Variants in CDKN2B-AS1 observed in about 807,000 individuals in gnomAD.
The protein encoded by CDKN2B-AS1 is CDKN2B and CDKN2A antisense cis and trans regulatory RNA 1.
At chr9:22,035,598 G>T (rs1277643366) in intron 1 of CDKN2B-AS1, among the ~76,000 whole-genome samples, 1 of 152,110 alleles carries the variant, frequency 6.6e-6, no homozygotes, top group Non-Finnish European at 1.5e-5. Flanking sequence ...GGATGCATCT[G>T]TTCTACTTGT....
At chr9:22,122,621 C>G (rs1480218189) in intron 4 of CDKN2B-AS1, among the ~76,000 whole-genome samples, 1 of 152,028 alleles carries the variant, frequency 6.6e-6, no homozygotes, top group Non-Finnish European at 1.5e-5. Flanking sequence ...TATAGATATC[C>G]AGTTTTCCCA....
rs777285172 is a variant in CDKN2B-AS1 at position 21,997,395 on chromosome 9, C to T, written n.29+2234C>T. Among the ~76,000 whole-genome samples the T allele has an allele frequency of 6.6e-6, 1 of 151,876 alleles. No homozygotes were observed. Among genetic ancestry groups the T allele is most frequent in the African/African-American group, 2.4e-5 (1 of 41,308 alleles). Reference sequence around the variant, plus strand: ...TTGACTGAAGCATCGTTATCCAGCACATGACTCTGTGTGTGTATACAATTT... The same window carrying T: ...TTGACTGAAGCATCGTTATCCAGCATATGACTCTGTGTGTGTATACAATTT... On this transcript the variant is annotated intron_variant and non_coding_transcript_variant, in intron 1 of 4. Transcript: ENST00000650946. The surrounding 1 kb of genome is among the most constrained non-coding windows in gnomAD (Gnocchi z 4.8).
intron 1 of CDKN2B-AS1, among the ~76,000 whole-genome samples, chr9:22,012,790 GA>G (rs36084073): frequency 0.14 from 20,786 of 152,048 alleles, 1,654 homozygotes; most frequent in African/African-American, 0.22. Flanking sequence ...AATTTTTTAT[GA>G]ACACACCTTC....
rs965402051 is a variant in CDKN2B-AS1 at position 21,999,729 on chromosome 9, T to G, written n.29+4568T>G. Among the ~76,000 whole-genome samples the G allele has an allele frequency of 2.0e-5, 3 of 152,108 alleles. No homozygotes were observed. The highest frequency in any genetic ancestry group is 7.2e-5 in the African/African-American group (3 of 41,430). ...TGATTGACATGCTTGTGAGGAGACT[T>G]TTTTTGTTGTTGTTGTTGTTAGGGC... On this transcript the variant is annotated intron_variant and non_coding_transcript_variant, in intron 1 of 4. Transcript: ENST00000650946. This position sits in a 1 kb window ranked among gnomAD's most constrained non-coding sequence, Gnocchi z 4.7.
At chr9:22,053,844 T>G (rs1224147248) in intron 3 of CDKN2B-AS1, among the ~76,000 whole-genome samples, 1 of 152,138 alleles carries the variant, frequency 6.6e-6, no homozygotes, top group East Asian at 1.9e-4. Flanking sequence ...CGTCACTAGC[T>G]AATTGTTACA....
chr9:22,123,774 G>A (rs1826140360), intron 4 of CDKN2B-AS1, among the ~76,000 whole-genome samples: 1 of 152,144 alleles, frequency 6.6e-6, no homozygotes, highest in African/African-American at 2.4e-5. Flanking sequence ...GACAGAAATA[G>A]GACAAATGGA....
In CDKN2B-AS1 at chr9:22,121,649, C is replaced by T. The variant is rs147337849; in HGVS notation, n.439-5454C>T. Among the ~76,000 whole-genome samples the T allele has an allele frequency of 4.4e-3, 669 of 152,144 alleles. 10 individuals carry two copies. The highest frequency in any genetic ancestry group is 0.015 in the African/African-American group (632 of 41,538). On this transcript the variant is annotated intron_variant and non_coding_transcript_variant, in intron 4 of 4. Transcript: ENST00000650946. ...GCTTCTGTATGTGAGTGAGAACATG[C>T]GGTGTTTAGTAGGAAATTTCTGTTC...
At chr9:22,003,513 A>C (rs1821020563) in intron 1 of CDKN2B-AS1, 1 of 228,964 alleles carries the variant, frequency 4.4e-6, no homozygotes, top group Admixed American at 5.7e-5. Flanking sequence ...TATAGAGGTC[A>C]AATTAAGGGA....
Position 22,012,421 on chromosome 9 carries a change from C to T in CDKN2B-AS1, n.29+17260C>T, listed in dbSNP as rs181441526. The T allele has an allele frequency of 3.5e-4, 270 of 764,982 alleles. No individual in the cohort carries two copies. In the African/African-American group the frequency reaches 4.3e-3, roughly 12 times the overall value. The allele number at this position is 764,982 out of a possible 1,614,324, so 47.4% of individuals were successfully genotyped here. A position where few individuals can be genotyped will look rare whatever the true frequency, so the allele number is the denominator to read the frequency against. On this transcript the variant is annotated intron_variant and non_coding_transcript_variant, in intron 1 of 4. Transcript: ENST00000650946. ...CACTCTTCCAGCTCACCTAGAAATA[C>T]AGCTGAAACAAGATGATCTGCCATA...
chr9:22,052,607 T>G (rs1014371339), intron 3 of CDKN2B-AS1, among the ~76,000 whole-genome samples: 3 of 152,148 alleles, frequency 2.0e-5, no homozygotes, highest in Admixed American at 1.3e-4. Context: ...TGAAGAAAAG[T>G]GTGGGCTTGC....
Position 22,005,882 on chromosome 9 carries a change from GGCTTTCCGCC to G in CDKN2B-AS1, n.29+10725_29+10734del. On this transcript the variant is annotated intron_variant and non_coding_transcript_variant, in intron 1 of 4. Transcript: ENST00000650946. This position sits in a 1 kb window ranked among gnomAD's most constrained non-coding sequence, Gnocchi z 4.9. ...TCTCAGACAGGCTTGCAGGCTTACA[GGCTTTCCGCC>G]GCTCCCCGTTGGCAGCCTTCATCGA... The G allele has an allele frequency of 6.8e-7, 1 of 1,466,064 alleles. No homozygotes were observed. Among genetic ancestry groups the G allele is most frequent in the Non-Finnish European group, 9.2e-7 (1 of 1,082,528 alleles). The allele number at this position is 1,466,064 out of a possible 1,614,324, so 90.8% of individuals were successfully genotyped here.
intron 4 of CDKN2B-AS1, among the ~76,000 whole-genome samples, chr9:22,092,802 G>GT (rs1428388942): frequency 3.3e-5 from 5 of 151,994 alleles, no homozygotes; most frequent in South Asian, 2.1e-4. Context: ...TTTTTGGAGG[G>GT]TTTTTTGTGT....
intron 4 of CDKN2B-AS1, among the ~76,000 whole-genome samples, chr9:22,078,848 ACT>A (rs545928392): frequency 2.9e-4 from 44 of 152,140 alleles, no homozygotes; most frequent in African/African-American, 1.1e-3. Context: ...GAGTTTTGAA[ACT>A]CTTATTTGCT....
intron 4 of CDKN2B-AS1, among the ~76,000 whole-genome samples, chr9:22,081,694 G>A (rs1330726172): frequency 1.3e-5 from 2 of 152,186 alleles, no homozygotes; most frequent in Non-Finnish European, 2.9e-5. Context: ...TAGGAAGCTT[G>A]TCTATTAGTT....
At chr9:22,060,289 C>A (rs1020437969) in intron 4 of CDKN2B-AS1, among the ~76,000 whole-genome samples, 2 of 152,298 alleles carry the variant, frequency 1.3e-5, no homozygotes, top group East Asian at 1.9e-4. Context: ...TTAGAAATTT[C>A]TTCCGCCAAA....
At chr9:22,085,571 A>G (rs771433863) in intron 4 of CDKN2B-AS1, among the ~76,000 whole-genome samples, 2 of 152,122 alleles carry the variant, frequency 1.3e-5, no homozygotes, top group Non-Finnish European at 2.9e-5. Context: ...AATACAAAAA[A>G]TTAGCCAGGT....
At chr9:22,097,712 C>T (rs1825332698) in intron 4 of CDKN2B-AS1, among the ~76,000 whole-genome samples, 1 of 152,142 alleles carries the variant, frequency 6.6e-6, no homozygotes, top group African/African-American at 2.4e-5. Context: ...ACATGCCATT[C>T]ATGTGATAAA....
chr9:22,016,401 C>T (rs1304467297), intron 1 of CDKN2B-AS1, among the ~76,000 whole-genome samples: 1 of 152,126 alleles, frequency 6.6e-6, no homozygotes, highest in East Asian at 1.9e-4. Context: ...CAATGTCATC[C>T]CCATCAAGCT....
intron 1 of CDKN2B-AS1, among the ~76,000 whole-genome samples, chr9:22,007,143 T>A (rs1054934114): frequency 1.2e-4 from 19 of 152,134 alleles, no homozygotes; most frequent in African/African-American, 4.6e-4. Flanking sequence ...GCAGATCACC[T>A]GAGGTCAGGA....
Sources: allele counts gnomAD v4.1 joint callset (sites outside exome capture counted in the v4.1 genomes callset), GRCh38; gene constraint gnomAD v4.1.1; non-coding constraint Gnocchi (gnomAD v3.1); transcripts MANE v1.5; gene names NCBI Gene and HGNC (gene_info 2026-07-23, HGNC 2026-07-21).